The following LBHD2 variants were observed in gnomAD, a reference collection of about 807,000 sequenced individuals.
LBHD2 encodes LBH domain containing 2.
chr14:103,089,660 C>G (rs953693191), intron 3 of LBHD2, 37 bp from the exon 4 acceptor site: 3 of 398,644 alleles, frequency 7.5e-6, no homozygotes, highest in Non-Finnish European at 1.3e-5. Flanking sequence ...CTGCACTCCC[C>G]CCGCCGACCA....
chr14:103,087,169 T>C (rs1889646164), intron 2 of LBHD2, among the ~76,000 whole-genome samples: 1 of 152,226 alleles, frequency 6.6e-6, no homozygotes, highest in African/African-American at 2.4e-5. Context: ...CCCAGTCCAG[T>C]GACACCTGTT....
In LBHD2 at chr14:103,086,076, G is replaced by C; in HGVS notation, c.64G>C (p.Gly22Arg). 2.5e-6 allele frequency: 1 copy of C among 397,340 alleles called. No individual in the cohort carries two copies. Among genetic ancestry groups the C allele is most frequent in the Non-Finnish European group, 4.4e-6 (1 of 225,554 alleles). The allele number at this position is 397,340 out of a possible 1,614,324, so 24.6% of individuals were successfully genotyped here. ...GAAEGAGGPE[G>R]KAVAGAWEKG... is the part of the protein sequence containing the mutation. ...TGCTGAGGGGGCTGGAGGCCCAGAAGGGAAGGTATGCGCTCGGGACCCTGG... is the reference window on the plus strand; with the variant it reads ...TGCTGAGGGGGCTGGAGGCCCAGAACGGAAGGTATGCGCTCGGGACCCTGG... The change falls in exon 2 of 4, where the codon GGG becomes CGG. Residue 22 changes from glycine (G) to arginine (R), a missense_variant. By Grantham distance (125) the Gly-to-Arg change is moderately radical (BLOSUM62 -2). Transcript: ENST00000634353.
At chr14:103,088,892 G>C (rs1289910136) in intron 3 of LBHD2, among the ~76,000 whole-genome samples, 2 of 152,218 alleles carry the variant, frequency 1.3e-5, no homozygotes, top group African/African-American at 4.8e-5. Context: ...TACTCTGAAG[G>C]CTGAGGCAGG....
In LBHD2 at chr14:103,088,345, C is replaced by T. The variant is rs1889663134; in HGVS notation, c.226+104C>T. 4 of 398,044 alleles carry T rather than the reference C, an allele frequency of 1.0e-5. No individual in the cohort carries two copies. The East Asian group carries it at 1.4e-4, about 14-fold the overall frequency. 24.7% of individuals were successfully genotyped at this position (398,044 alleles called of 1,614,324 possible). ...GGCTCCAGCAAGCAAGGCCTTCCCG[C>T]CTCCTGCCTGTTCACACTCCATCCT... On this transcript the variant is annotated intron_variant, in intron 3 of 3. Transcript: ENST00000634353.
chr14:103,088,680 G>A (rs773867896), intron 3 of LBHD2, among the ~76,000 whole-genome samples: 3 of 152,196 alleles, frequency 2.0e-5, no homozygotes, highest in Non-Finnish European at 2.9e-5. Context: ...GCTCCATCCC[G>A]CTGCAGGTGC....
chr14:103,087,977 T>G, intron 2 of LBHD2, 108 bp from the exon 3 acceptor site: 1 of 395,968 alleles, frequency 2.5e-6, no homozygotes, highest in Non-Finnish European at 4.4e-6. Flanking sequence ...GGGGACTGGG[T>G]GGGAAGGGTC....
chr14:103,085,693 C>T (rs187347353), intron 1 of LBHD2, among the ~76,000 whole-genome samples: 5 of 152,236 alleles, frequency 3.3e-5, no homozygotes, highest in Admixed American at 2.6e-4. Context: ...GCCTAGCTAC[C>T]TCCTGCTCAC....
intron 3 of LBHD2, among the ~76,000 whole-genome samples, chr14:103,089,073 C>G (rs1889672875): frequency 6.6e-6 from 1 of 152,172 alleles, no homozygotes; most frequent in Non-Finnish European, 1.5e-5. Context: ...ACAGGAGAGG[C>G]AGCAGGCTGG....
rs139585272 is a variant in LBHD2, at chr14:103,086,099, TG to T, written c.69+25del. On this transcript the variant is annotated intron_variant, in intron 2 of 3. Coordinates refer to ENST00000634353, the MANE Select transcript of LBHD2 (RefSeq NM_001330236.2). ...AAGGGAAGGTATGCGCTCGGGACCC[TG>T]GGGGGGTCGGGAGGGAGCAAGCCTC... 117,782 of 398,094 alleles carry T rather than the reference TG, an allele frequency of 0.3. 18,373 individuals carry two copies. The highest frequency in any genetic ancestry group is 0.33 in the Non-Finnish European group (74,049 of 225,872). The allele number at this position is 398,094 out of a possible 1,614,324, so 24.7% of individuals were successfully genotyped here. A position where few individuals can be genotyped will look rare whatever the true frequency, so the allele number is the denominator to read the frequency against.
At chr14:103,087,392 G>C (rs1338851677) in intron 2 of LBHD2, among the ~76,000 whole-genome samples, 1 of 152,228 alleles carries the variant, frequency 6.6e-6, no homozygotes, top group Non-Finnish European at 1.5e-5. Flanking sequence ...GGGAGACAGG[G>C]AGCTCCAGGC....
At chr14:103,086,209 T>C (rs1595222500) in intron 2 of LBHD2, 128 bp downstream of exon 2, 1 of 376,888 alleles carries the variant, frequency 2.7e-6, no homozygotes, top group Non-Finnish European at 4.7e-6. Flanking sequence ...TCATTGCTTA[T>C]TTATTTATTT....
chr14:103,089,271 C>T (rs1269214788), intron 3 of LBHD2, among the ~76,000 whole-genome samples: 1 of 152,158 alleles, frequency 6.6e-6, no homozygotes, highest in Non-Finnish European at 1.5e-5. Context: ...ATCCCCAGAC[C>T]TCAGCCTGTA....
At chr14:103,088,520 T>G (rs1889665453) in intron 3 of LBHD2, among the ~76,000 whole-genome samples, 1 of 152,208 alleles carries the variant, frequency 6.6e-6, no homozygotes, top group African/African-American at 2.4e-5. Context: ...GGTGCATAAT[T>G]GTTGAATGAG....
chr14:103,086,160 TTGC>T, intron 2 of LBHD2, 79 bp downstream of exon 2: 1 of 398,460 alleles, frequency 2.5e-6, no homozygotes, highest in Non-Finnish European at 4.4e-6. Context: ...ATGCCTTGCC[TTGC>T]TGCTGGCCTC....
At chr14:103,087,429 G>C (rs561207606) in intron 2 of LBHD2, among the ~76,000 whole-genome samples, 1 of 152,354 alleles carries the variant, frequency 6.6e-6, no homozygotes, top group East Asian at 1.9e-4. Context: ...GCACAGGCGT[G>C]GGGGTGGGAC....
At position 103,088,232 on chromosome 14, in the gene LBHD2, G is replaced by T. The variant is rs942203483; in HGVS notation, c.217G>T (p.Ala73Ser). The T allele has an allele frequency of 2.5e-6, 1 of 398,894 alleles. No homozygotes were observed. Among genetic ancestry groups the T allele is most frequent in the Admixed American group, 4.4e-5 (1 of 22,746 alleles). The allele number at this position is 398,894 out of a possible 1,614,324, so 24.7% of individuals were successfully genotyped here. Residue 73 changes from alanine (A) to serine (S), a missense_variant, in exon 3 of 4, where the codon GCT (alanine) becomes TCT (serine). Ala to Ser is a moderately conservative substitution (Grantham distance 99). Coordinates refer to ENST00000634353, the MANE Select transcript of LBHD2 (RefSeq NM_001330236.2). Reference protein sequence around the residue: ...SAQRGPSQSRAAAAPSPSLPG... With the variant: ...SAQRGPSQSRSAAAPSPSLPG... ...CCAGAGGGGCCCCTCTCAGAGCCGG[G>T]CTGCTGCTGGTAAGTGAGGGTGCCT...
Position 103,089,813 on chromosome 14 carries a change from G to A in LBHD2, c.*16G>A, listed in dbSNP as rs939268068. On this transcript the variant is annotated 3_prime_UTR_variant, in exon 4 of 4. Transcript: ENST00000634353. Reference sequence around the variant, plus strand: ...CCGGGGATAGGACAAGGACGTGGCTGGGCTCTGCTGTCTGACTGCTGAGGG... The same window carrying A: ...CCGGGGATAGGACAAGGACGTGGCTAGGCTCTGCTGTCTGACTGCTGAGGG... 1.0e-5 allele frequency: 4 copies of A among 398,500 alleles called. No individual in the cohort carries two copies. Among genetic ancestry groups the A allele is most frequent in the Non-Finnish European group, 1.8e-5 (4 of 226,064 alleles). The allele number at this position is 398,500 out of a possible 1,614,324, so 24.7% of individuals were successfully genotyped here. A position where few individuals can be genotyped will look rare whatever the true frequency, so the allele number is the denominator to read the frequency against.
In LBHD2 at chr14:103,086,088, G is replaced by A. The variant is rs770524716; in HGVS notation, c.69+7G>A. 1.8e-4 allele frequency: 72 copies of A among 389,546 alleles called. 1 individual carries two copies. Among genetic ancestry groups the A allele is most frequent in the East Asian group, 8.0e-4 (22 of 27,660 alleles). The allele number at this position is 389,546 out of a possible 1,614,324, so 24.1% of individuals were successfully genotyped here. Reference sequence around the variant, plus strand: ...TGGAGGCCCAGAAGGGAAGGTATGCGCTCGGGACCCTGGGGGGGTCGGGAG... The same window carrying A: ...TGGAGGCCCAGAAGGGAAGGTATGCACTCGGGACCCTGGGGGGGTCGGGAG... On this transcript the variant is annotated splice_region_variant and intron_variant, in intron 2 of 3. Coordinates refer to ENST00000634353, the MANE Select transcript of LBHD2 (RefSeq NM_001330236.2).
intron 1 of LBHD2, among the ~76,000 whole-genome samples, chr14:103,085,170 G>A (rs752160685): frequency 1.3e-5 from 2 of 152,134 alleles, no homozygotes; most frequent in South Asian, 4.1e-4. Context: ...GACGTCACAG[G>A]CATTCCATCC....
Sources: allele counts gnomAD v4.1 joint callset (sites outside exome capture counted in the v4.1 genomes callset), GRCh38; gene constraint gnomAD v4.1.1; transcripts MANE v1.5; gene names NCBI Gene and HGNC (gene_info 2026-07-23, HGNC 2026-07-21).